The following ZFYVE27 variants were observed in gnomAD, a reference collection of about 807,000 sequenced individuals.
ZFYVE27 encodes the protein zinc finger FYVE-type containing 27.
Under a neutral mutation model 52.8 loss-of-function variants are expected in ZFYVE27, and 36 were observed. The observed-to-expected ratio is 0.68, with a 90% confidence interval of 0.52 to 0.90. ZFYVE27 has a LOEUF of 0.90. ZFYVE27 is among the 40% of genes least tolerant of loss of function. ZFYVE27 has a pLI of 0.00. For missense variants in ZFYVE27, 450 were observed against 527.2 expected (o/e 0.85, Z 1.43); for synonymous variants, 223 against 215.6 (o/e 1.03, Z -0.30).
In ZFYVE27 at chr10:97,754,881, C is replaced by G. The variant is rs149291613; in HGVS notation, c.1042+1699C>G. The G allele has an allele frequency of 2.1e-3, 2,619 of 1,255,490 alleles. 2 individuals carry two copies. Among genetic ancestry groups the G allele is most frequent in the Non-Finnish European group, 2.5e-3 (2,394 of 965,992 alleles). The allele number at this position is 1,255,490 out of a possible 1,614,324, so 77.8% of individuals were successfully genotyped here. A position where few individuals can be genotyped will look rare whatever the true frequency, so the allele number is the denominator to read the frequency against. On this transcript the variant is annotated intron_variant, in intron 10 of 12. Coordinates refer to ENST00000684270, the MANE Select transcript of ZFYVE27 (RefSeq NM_001385875.1). ...AAGGTACTTAGCTGTTCCCATTTTA[C>G]AGATGAATAACCTGAGGTAAAAAGA...
chr10:97,748,451 G>C (rs540752280), intron 5 of ZFYVE27, 87 bp downstream of exon 5: 14 of 1,359,328 alleles, frequency 1.0e-5, no homozygotes, highest in Non-Finnish European at 1.4e-5. Context: ...GAGGACCTCT[G>C]CCCCTCTTAC....
At chr10:97,741,941 G>A (rs1267836088) in intron 2 of ZFYVE27, among the ~76,000 whole-genome samples, 2 of 151,928 alleles carry the variant, frequency 1.3e-5, no homozygotes, top group Non-Finnish European at 2.9e-5. Context: ...GACCAGCCTG[G>A]CCAACATAGT....
rs367565340 is a variant in ZFYVE27 at position 97,752,840 on chromosome 10, C to T, written c.877-17C>T. 16 of 1,613,544 alleles carry T rather than the reference C, an allele frequency of 9.9e-6. No individual in the cohort carries two copies. The highest frequency in any genetic ancestry group is 3.3e-5 in the South Asian group (3 of 91,058). ...TCTTTCTGTTTTCTCTCCTCTTCCCCGCACCTTGGGAGGCAGGAGACCCAC... is the reference window on the plus strand; with the variant it reads ...TCTTTCTGTTTTCTCTCCTCTTCCCTGCACCTTGGGAGGCAGGAGACCCAC... On this transcript the variant is annotated splice_polypyrimidine_tract_variant and intron_variant, in intron 8 of 12. Coordinates refer to ENST00000684270, the MANE Select transcript of ZFYVE27 (RefSeq NM_001385875.1).
chr10:97,740,058 C>T (rs576357711), intron 2 of ZFYVE27, among the ~76,000 whole-genome samples: 2 of 152,194 alleles, frequency 1.3e-5, no homozygotes, highest in South Asian at 4.1e-4. Context: ...TGTGTCTGCA[C>T]ATGTGTGTAT....
At position 97,759,450 on chromosome 10, in the gene ZFYVE27, C is replaced by G. The variant is rs952732484; in HGVS notation, c.*150C>G. On this transcript the variant is annotated 3_prime_UTR_variant, in exon 13 of 13. Coordinates refer to ENST00000684270, the MANE Select transcript of ZFYVE27 (RefSeq NM_001385875.1). ...CCCCTTCCTTCCTCACTCTCTCCAG[C>G]TGGATTCTGGAGCTGTTCTCCATCC... 2 of 794,824 alleles carry G rather than the reference C, an allele frequency of 2.5e-6. No individual in the cohort carries two copies. The highest frequency in any genetic ancestry group is 2.1e-6 in the Non-Finnish European group (1 of 465,434). The allele number at this position is 794,824 out of a possible 1,614,324, so 49.2% of individuals were successfully genotyped here. A position where few individuals can be genotyped will look rare whatever the true frequency, so the allele number is the denominator to read the frequency against.
At chr10:97,744,124 A>G (rs188876698) in intron 3 of ZFYVE27, among the ~76,000 whole-genome samples, 1 of 152,310 alleles carries the variant, frequency 6.6e-6, no homozygotes, top group Admixed American at 6.5e-5. Flanking sequence ...TGATTTTTCT[A>G]TATATGCTCC....
At chr10:97,748,695 A>G (rs900180427) in intron 5 of ZFYVE27, among the ~76,000 whole-genome samples, 5 of 151,896 alleles carry the variant, frequency 3.3e-5, no homozygotes, top group Admixed American at 6.6e-5. Context: ...TGTATGTTCA[A>G]TTTTTCTTTT....
chr10:97,750,109 A>G (rs1357801321), intron 6 of ZFYVE27: 2 of 576,460 alleles, frequency 3.5e-6, no homozygotes, highest in East Asian at 6.0e-5. Context: ...TGATTTATTG[A>G]GCATTTACTA....
In ZFYVE27 at chr10:97,759,674, G is replaced by T; in HGVS notation, c.*374G>T. ...ATCAGGGTCAGTGTGGCTGTGCCTG[G>T]GAATTCCAGACCTGAGGTTGGGAAA... On this transcript the variant is annotated 3_prime_UTR_variant, in exon 13 of 13. Transcript: ENST00000684270. The T allele has an allele frequency of 3.1e-6, 1 of 327,480 alleles. No individual in the cohort carries two copies. 20.3% of individuals were successfully genotyped at this position (327,480 alleles called of 1,614,324 possible).
chr10:97,757,392 A>G (rs1246346806), intron 11 of ZFYVE27, 81 bp downstream of exon 11: 11 of 1,600,992 alleles, frequency 6.9e-6, no homozygotes, highest in Admixed American at 3.4e-5. Context: ...GGAGTCATTG[A>G]GAAAGTCTGG....
At chr10:97,753,649 G>C (rs1319179146) in intron 10 of ZFYVE27, among the ~76,000 whole-genome samples, 1 of 152,168 alleles carries the variant, frequency 6.6e-6, no homozygotes, top group African/African-American at 2.4e-5. Context: ...TTACCTCATA[G>C]GGTTGTTACA....
At chr10:97,744,636 T>C in intron 3 of ZFYVE27, 93 bp from the exon 4 acceptor site, 1 of 1,472,504 alleles carries the variant, frequency 6.8e-7, no homozygotes, top group Admixed American at 1.8e-5. Flanking sequence ...GGCAGAGCCC[T>C]GGAGGAGGTG....
intron 6 of ZFYVE27, among the ~76,000 whole-genome samples, 157 bp downstream of exon 6, chr10:97,749,743 T>C (rs1337749218): frequency 1.3e-5 from 2 of 152,252 alleles, no homozygotes; most frequent in African/African-American, 2.4e-5. Context: ...TCTGCATCTC[T>C]GAGATGTTAG....
At chr10:97,745,429 T>C (rs1464586606) in intron 4 of ZFYVE27, among the ~76,000 whole-genome samples, 2 of 152,062 alleles carry the variant, frequency 1.3e-5, no homozygotes, top group African/African-American at 4.8e-5. Context: ...TCCGCCCGCC[T>C]CGGCCTCCCA....
intron 8 of ZFYVE27, among the ~76,000 whole-genome samples, chr10:97,752,387 C>T (rs2047222314): frequency 6.6e-6 from 1 of 152,126 alleles, no homozygotes; most frequent in Non-Finnish European, 1.5e-5. Flanking sequence ...AAAGATTGCT[C>T]CAAAACTTTG....
chr10:97,738,064 G>A (rs1170973699), intron 1 of ZFYVE27, among the ~76,000 whole-genome samples: 2 of 152,214 alleles, frequency 1.3e-5, no homozygotes, highest in African/African-American at 2.4e-5. Flanking sequence ...GCTCTGTTAG[G>A]GTGAGTACGT....
intron 4 of ZFYVE27, among the ~76,000 whole-genome samples, chr10:97,746,277 G>C (rs942907897): frequency 6.6e-6 from 1 of 152,056 alleles, no homozygotes; most frequent in African/African-American, 2.4e-5. Flanking sequence ...TCGAACTTCA[G>C]CCTCAGGTGA....
At chr10:97,757,145 C>T in intron 10 of ZFYVE27, 120 bp from the exon 11 acceptor site, 1 of 1,422,196 alleles carries the variant, frequency 7.0e-7, no homozygotes, top group South Asian at 1.2e-5. Context: ...CCCTGGCTCA[C>T]TGTGTCCAGC....
At chr10:97,746,370 A>T (rs1280893100) in intron 4 of ZFYVE27, among the ~76,000 whole-genome samples, 1 of 152,168 alleles carries the variant, frequency 6.6e-6, no homozygotes, top group African/African-American at 2.4e-5. Flanking sequence ...AAACTTAAAG[A>T]AGTACAGGAA....
Sources: allele counts gnomAD v4.1 joint callset (sites outside exome capture counted in the v4.1 genomes callset), GRCh38; gene constraint gnomAD v4.1.1; transcripts MANE v1.5; gene names NCBI Gene and HGNC (gene_info 2026-07-23, HGNC 2026-07-21).